Variants in TNK2 observed in about 807,000 individuals in gnomAD.
TNK2 encodes the protein activated CDC42 kinase 1.
TNK2 carries 83 observed loss-of-function variants against 101.8 expected under a neutral mutation model. The ratio of observed to expected loss-of-function variants is 0.82; its 90% confidence interval spans 0.68 to 0.98. TNK2 has a LOEUF of 0.98. Ranked by LOEUF, TNK2 falls within the 50% of genes least tolerant of loss-of-function variation. The pLI, the probability that TNK2 is intolerant of heterozygous loss-of-function variation, is 0.00. For synonymous variants in TNK2, 804 were observed against 633.0 expected (o/e 1.27, Z -4.06); for missense variants, 1,665 against 1,483.2 (o/e 1.12, Z -2.01).
In TNK2 at chr3:195,885,372, T is replaced by C; in HGVS notation, c.235-339A>G. 2 of 867,728 alleles carry C rather than the reference T, an allele frequency of 2.3e-6. No homozygotes were observed. Among genetic ancestry groups the C allele is most frequent in the Non-Finnish European group, 3.4e-6 (2 of 595,538 alleles). 53.8% of individuals were successfully genotyped at this position (867,728 alleles called of 1,614,324 possible). ...GTCTCCTCCCAGTCCTGCCCCACCCTCCCTTCCTGCACCCGCCACCCCGCA... is the reference window on the plus strand; with the variant it reads ...GTCTCCTCCCAGTCCTGCCCCACCCCCCCTTCCTGCACCCGCCACCCCGCA... On this transcript the variant is annotated intron_variant, in intron 3 of 15. Coordinates refer to ENST00000672887, the MANE Select transcript of TNK2 (RefSeq NM_001382273.1). This position sits in a 1 kb window ranked among gnomAD's most constrained non-coding sequence, Gnocchi z 4.7.
chr3:195,895,324 G>T (rs1760139717), intron 1 of TNK2: 1 of 1,574,776 alleles, frequency 6.4e-7, no homozygotes, highest in South Asian at 1.2e-5. Flanking sequence ...CAGCGGCTGC[G>T]GTCAGGGAGA....
Position 195,886,097 on chromosome 3 carries a change from G to A in TNK2, c.234+880C>T, listed in dbSNP as rs1755476573. The A allele has an allele frequency of 6.5e-6, 1 of 154,724 alleles. No individual in the cohort carries two copies. The highest frequency in any genetic ancestry group is 1.4e-5 in the Non-Finnish European group (1 of 69,844). The allele number at this position is 154,724 out of a possible 1,614,324, so 9.6% of individuals were successfully genotyped here. ...TTCACTGAAGACACAACAAAAATCT[G>A]GAGGCCACTGACCGCCCAGGGACCT... On this transcript the variant is annotated intron_variant, in intron 3 of 15. Coordinates refer to ENST00000672887, the MANE Select transcript of TNK2 (RefSeq NM_001382273.1). The surrounding 1 kb of genome is among the most constrained non-coding windows in gnomAD (Gnocchi z 4.2).
chr3:195,872,447 C>A lies in TNK2; in HGVS notation c.1280G>T (p.Gly427Val). Residue 427 changes from glycine to valine, a missense_variant, in exon 10 of 16, where the codon GGC becomes GTC. Gly to Val is a moderately radical substitution (Grantham distance 109, BLOSUM62 -3). Transcript: ENST00000672887. ...CACACACAGCGTCCGTGTGTTCTGG[C>A]CACGCCACCAGTAGTTCTCGGCCCT... ...EGRAENYWWRGQNTRTLCVGP... is the reference protein window; with the variant it reads ...EGRAENYWWRVQNTRTLCVGP... 6.2e-7 allele frequency: 1 copy of A among 1,604,174 alleles called. No homozygotes were observed. Among genetic ancestry groups the A allele is most frequent in the Admixed American group, 1.7e-5 (1 of 59,254 alleles).
Position 195,869,551 on chromosome 3 carries a change from A to C in TNK2, c.1544-10T>G. ...CGAGGTGGAGGCTCCCCTGCAAGAA[A>C]GGCCATGCGGACAGGGGGAGAGAGA... On this transcript the variant is annotated splice_polypyrimidine_tract_variant and intron_variant, in intron 11 of 15. Transcript: ENST00000672887. 6.4e-7 allele frequency: 1 copy of C among 1,551,270 alleles called. No homozygotes were observed. Among genetic ancestry groups the C allele is most frequent in the South Asian group, 1.2e-5 (1 of 84,058 alleles).
At chr3:195,900,379 G>C (rs1466740457) in intron 1 of TNK2, among the ~76,000 whole-genome samples, 3 of 152,216 alleles carry the variant, frequency 2.0e-5, no homozygotes, top group East Asian at 1.9e-4. Context: ...TCACTTGAGA[G>C]AGGAGGGGTG....
chr3:195,897,800 CCACCCCCT>C (rs1760776159), intron 1 of TNK2, among the ~76,000 whole-genome samples: 1 of 55,556 alleles, frequency 1.8e-5, no homozygotes, highest in Non-Finnish European at 3.3e-5. Context: ...CTGCGCCTGC[CCACCCCCT>C]CACCCCCCCA....
intron 1 of TNK2, among the ~76,000 whole-genome samples, chr3:195,898,922 C>T (rs2149837401): frequency 6.6e-6 from 1 of 152,224 alleles, no homozygotes; most frequent in Non-Finnish European, 1.5e-5. Flanking sequence ...TGGTGAAACC[C>T]CATCTCTACT....
rs1413103668 is a variant in TNK2 at position 195,878,962 on chromosome 3, G to T, written c.1014+87C>A. 8 of 1,567,214 alleles carry T rather than the reference G, an allele frequency of 5.1e-6. No individual in the cohort carries two copies. The highest frequency in any genetic ancestry group is 6.9e-6 in the Non-Finnish European group (8 of 1,158,074). On this transcript the variant is annotated intron_variant, in intron 7 of 15. Transcript: ENST00000672887. This position sits in a 1 kb window ranked among gnomAD's most constrained non-coding sequence, Gnocchi z 4.7. ...GCGTGGGAGGAGGGAGTCCATTGGT[G>T]AGAGGCAGTTCCAGCAGGGCCAGGC... is the stretch of plus-strand genomic sequence containing the variant.
intron 1 of TNK2, among the ~76,000 whole-genome samples, chr3:195,899,626 G>A (rs570794675): frequency 3.3e-5 from 5 of 152,272 alleles, no homozygotes; most frequent in East Asian, 1.9e-4. Context: ...CACTGCGCCC[G>A]GCCAAGAATT....
chr3:195,895,464 A>T, intron 1 of TNK2: 1 of 1,394,394 alleles, frequency 7.2e-7, no homozygotes. Context: ...CCATAGCCTC[A>T]TCCGCCATCG....
In TNK2 at chr3:195,883,299, G is replaced by C; in HGVS notation, c.467C>G (p.Ala156Gly). Residue 156 changes from alanine (A) to glycine (G), a missense_variant, in exon 5 of 16, where the codon GCT becomes GGT. Physicochemically the swap from Ala to Gly is moderately conservative, Grantham distance 60. Transcript: ENST00000672887. ...GACATCGGGCTTCAGGCACTTCACA[G>C]CCACACTCACCTGCCCAGAGCGGGA... is the stretch of plus-strand genomic sequence containing the variant. ...DAPSGKTVSV[A>G]VKCLKPDVLS... The C allele has an allele frequency of 6.2e-7, 1 of 1,613,242 alleles. No individual in the cohort carries two copies. Among genetic ancestry groups the C allele is most frequent in the Non-Finnish European group, 8.5e-7 (1 of 1,180,036 alleles).
intron 1 of TNK2, among the ~76,000 whole-genome samples, chr3:195,890,189 C>A (rs754741553): frequency 2.2e-4 from 33 of 152,234 alleles, no homozygotes; most frequent in Non-Finnish European, 3.7e-4. Context: ...AAACTTAAAG[C>A]TGTAACCCTT....
intron 1 of TNK2, among the ~76,000 whole-genome samples, chr3:195,897,815 C>T (rs1760786281): frequency 9.6e-5 from 3 of 31,300 alleles, no homozygotes; most frequent in African/African-American, 1.7e-4. Context: ...CCCTCACCCC[C>T]CCACCCCCCC....
chr3:195,895,136 G>A (rs750467509), intron 1 of TNK2: 15 of 1,051,302 alleles, frequency 1.4e-5, no homozygotes, highest in Non-Finnish European at 1.7e-5. Context: ...CCCAGGAGCA[G>A]ACACTCTCAC....
intron 2 of TNK2, among the ~76,000 whole-genome samples, chr3:195,887,841 TGTGTGTGTGC>T (rs1191133868): frequency 7.5e-6 from 1 of 133,570 alleles, no homozygotes; most frequent in Non-Finnish European, 1.6e-5. Context: ...CACACGTGTG[TGTGTGTGTGC>T]GTGTCTGTGT....
rs1250938655 is a variant in TNK2 at position 195,902,661 on chromosome 3, A to C, written c.-19+5824T>G. Among the ~76,000 whole-genome samples, 89 of 147,684 alleles carry C rather than the reference A, an allele frequency of 6.0e-4. 1 individual carries two copies. The highest frequency in any genetic ancestry group is 1.1e-3 in the South Asian group (5 of 4,668). ...AAAACAAACATAAAAAAAAAAAAAA[A>C]CACCTCTCAGCAAAGTAGGAATAAA... On this transcript the variant is annotated intron_variant, in intron 1 of 15. Transcript: ENST00000672887.
intron 1 of TNK2, among the ~76,000 whole-genome samples, chr3:195,903,365 A>G (rs1161839999): frequency 6.6e-6 from 1 of 152,212 alleles, no homozygotes; most frequent in Non-Finnish European, 1.5e-5. Context: ...TAATGGTGAG[A>G]GACTAAATGC....
chr3:195,873,458 AG>A (rs1398083340), intron 9 of TNK2, among the ~76,000 whole-genome samples: 28 of 151,354 alleles, frequency 1.8e-4, no homozygotes, highest in African/African-American at 6.5e-4. Flanking sequence ...GTGTCTGGGC[AG>A]GCGGGGGCGG....
intron 1 of TNK2, chr3:195,896,006 G>A (rs975735625): frequency 2.1e-5 from 8 of 378,134 alleles, no homozygotes; most frequent in Admixed American, 3.4e-5. Context: ...TTCCCCGCGC[G>A]CCACTCCCGC....
Sources: allele counts gnomAD v4.1 joint callset (sites outside exome capture counted in the v4.1 genomes callset), GRCh38; gene constraint gnomAD v4.1.1; non-coding constraint Gnocchi (gnomAD v3.1); transcripts MANE v1.5; gene names NCBI Gene and HGNC (gene_info 2026-07-23, HGNC 2026-07-21).